Variants in GLMN observed in about 807,000 individuals in gnomAD.
The protein encoded by GLMN is glomulin, FKBP associated protein, also known as glomulin.
Under a neutral mutation model 87.8 loss-of-function variants are expected in GLMN, and 75 were observed. The observed-to-expected ratio is 0.85, with a 90% CI of 0.71 to 1.04. The LOEUF (loss-of-function observed/expected upper bound fraction) is 1.04, where lower values mean the gene tolerates loss of function less well. Among genes scored for constraint, GLMN ranks in the 50% least tolerant of loss-of-function variants. The pLI, the probability that GLMN is intolerant of heterozygous loss-of-function variation, is 0.00. For missense variants in GLMN, 588 were observed against 658.8 expected (o/e 0.89, Z 1.18); for synonymous variants, 206 against 221.6 (o/e 0.93, Z 0.63).
At chr1:92,302,590 ATTTTTTTTTTTTT>A (rs36067595), upstream of GLMN, among the ~76,000 whole-genome samples, 3 of 74,316 alleles carry the variant, frequency 4.0e-5, no homozygotes, top group African/African-American at 5.7e-5. Context: ...TCCGCATTAA[ATTTTTTTTTTTTT>A]TTTTTTTTTT....
the GLMN span, among the ~76,000 whole-genome samples, chr1:92,370,058 T>C: frequency 3.3e-5 from 5 of 152,144 alleles, no homozygotes; most frequent in African/African-American, 1.2e-4. Flanking sequence ...CTAATTTTTG[T>C]ATTTTTAGTA....
chr1:92,350,140 T>C, the GLMN span, among the ~76,000 whole-genome samples: 24 of 152,290 alleles, frequency 1.6e-4, no homozygotes, highest in African/African-American at 5.3e-4. Flanking sequence ...ACTATTGTGA[T>C]TGCAACATTT....
Position 92,247,980 on chromosome 1 carries a change from A to G in GLMN, c.1483T>C (p.Trp495Arg), listed in dbSNP as rs757404436. 4.3e-5 allele frequency: 52 copies of G among 1,213,572 alleles called. No individual in the cohort carries two copies. Among genetic ancestry groups the G allele is most frequent in the Non-Finnish European group, 6.1e-5 (50 of 816,516 alleles). 75.2% of individuals were successfully genotyped at this position (1,213,572 alleles called of 1,614,324 possible). Residue 495 changes from tryptophan to arginine, a missense_variant, in exon 17 of 19, where the codon TGG (tryptophan) becomes CGG (arginine). Coordinates refer to ENST00000370360, the MANE Select transcript of GLMN (RefSeq NM_053274.3). ...DNENDNQTGL[W>R]TELGNIENNF... ...TTCTCAATATTTCCAAGTTCTGTCCATAATCCAGTCTGTTAAGAATGAAAG... is the reference window on the plus strand; with the variant it reads ...TTCTCAATATTTCCAAGTTCTGTCCGTAATCCAGTCTGTTAAGAATGAAAG...
At chr1:92,257,281 A>G (rs1243026176) in intron 16 of GLMN, among the ~76,000 whole-genome samples, 2 of 152,222 alleles carry the variant, frequency 1.3e-5, no homozygotes, top group African/African-American at 4.8e-5. Context: ...TTCCATGCTC[A>G]TCGGTAGGAA....
At chr1:92,254,224 G>T (rs1231924748) in intron 16 of GLMN, among the ~76,000 whole-genome samples, 6 of 152,134 alleles carry the variant, frequency 3.9e-5, no homozygotes, top group Admixed American at 6.5e-5. Context: ...GAGAAAAAAA[G>T]AATGAAAAGG....
chr1:92,316,351 T>G, the GLMN span, among the ~76,000 whole-genome samples: 1 of 152,194 alleles, frequency 6.6e-6, no homozygotes, highest in African/African-American at 2.4e-5. Flanking sequence ...AAAAGCTTTC[T>G]GAAACAGGGT....
chr1:92,312,146 T>TA, the GLMN span, among the ~76,000 whole-genome samples: 2 of 152,158 alleles, frequency 1.3e-5, no homozygotes, highest in African/African-American at 4.8e-5. Flanking sequence ...AGCAGTGACT[T>TA]ATGCCTGTAA....
intron 7 of GLMN, among the ~76,000 whole-genome samples, chr1:92,281,120 C>A (rs1647992177): frequency 6.6e-6 from 1 of 152,104 alleles, no homozygotes; most frequent in African/African-American, 2.4e-5. Context: ...ACAGAGAACA[C>A]CACAAAGATA....
Position 92,298,910 on chromosome 1 carries a change from C to T in GLMN, c.-31+15G>A. 4.4e-6 allele frequency: 2 copies of T among 452,000 alleles called. No individual in the cohort carries two copies. The highest frequency in any genetic ancestry group is 7.8e-6 in the Non-Finnish European group (2 of 255,126). 28.0% of individuals were successfully genotyped at this position (452,000 alleles called of 1,614,324 possible). On this transcript the variant is annotated intron_variant, in intron 1 of 18. Transcript: ENST00000370360. The stretch of plus-strand genomic sequence containing the variant: ...GAGCCCTGGCCACCCTGAACCTCTC[C>T]ACAACTCCACTTACCGGCCAGAACC...
chr1:92,267,703 C>CA lies in GLMN; in HGVS notation c.1098+209dup, dbSNP rs10718329. 6.1e-3 allele frequency among the ~76,000 whole-genome samples: 868 copies of CA among 142,804 alleles called. 7 individuals carry two copies. Among genetic ancestry groups the CA allele is most frequent in the African/African-American group, 0.016 (617 of 38,766 alleles). 93.7% of individuals were successfully genotyped at this position (142,804 alleles called of 152,430 possible). A position where few individuals can be genotyped will look rare whatever the true frequency, so the allele number is the denominator to read the frequency against. On this transcript the variant is annotated intron_variant, in intron 11 of 18. Coordinates refer to ENST00000370360, the MANE Select transcript of GLMN (RefSeq NM_053274.3). The stretch of plus-strand genomic sequence containing the variant: ...TGGGCGACACAGCAAGACTACACCT[C>CA]AAAAAAAAAAAAAATAGTTCCTTAG...
At chr1:92,293,822 T>C (rs1230499339) in intron 3 of GLMN, among the ~76,000 whole-genome samples, 1 of 152,172 alleles carries the variant, frequency 6.6e-6, no homozygotes. Flanking sequence ...TGGATGGGAC[T>C]GTAGACCATT....
chr1:92,266,500 G>T lies in GLMN; in HGVS notation c.1141-8C>A. On this transcript the variant is annotated splice_region_variant and splice_polypyrimidine_tract_variant and intron_variant, in intron 12 of 18. Coordinates refer to ENST00000370360, the MANE Select transcript of GLMN (RefSeq NM_053274.3). ...AGCTAAACTCTTTTTCCTCTAAAAT[G>T]GAACAAACAATATTATTATATAAAA... The T allele has an allele frequency of 6.6e-7, 1 of 1,504,210 alleles. No homozygotes were observed. Among genetic ancestry groups the T allele is most frequent in the Non-Finnish European group, 9.2e-7 (1 of 1,082,764 alleles). The allele number at this position is 1,504,210 out of a possible 1,614,324, so 93.2% of individuals were successfully genotyped here.
the GLMN span, among the ~76,000 whole-genome samples, chr1:92,325,155 T>C: frequency 6.6e-6 from 1 of 152,182 alleles, no homozygotes; most frequent in Admixed American, 6.5e-5. Context: ...ACTACCCATC[T>C]TTGATTGATG....
At chr1:92,335,126 A>G in the GLMN span, among the ~76,000 whole-genome samples, 1 of 152,278 alleles carries the variant, frequency 6.6e-6, no homozygotes, top group African/African-American at 2.4e-5. Flanking sequence ...TGTTCTCCAT[A>G]GTGGGTGTAC....
intron 16 of GLMN, among the ~76,000 whole-genome samples, chr1:92,261,874 T>C (rs1479984159): frequency 1.8e-5 from 2 of 111,632 alleles, no homozygotes; most frequent in Admixed American, 9.4e-5. Flanking sequence ...GTTAGTACAG[T>C]AGAATCATAG....
At chr1:92,344,982 CTAAGA>C in the GLMN span, among the ~76,000 whole-genome samples, 17 of 152,158 alleles carry the variant, frequency 1.1e-4, no homozygotes, top group South Asian at 1.0e-3. Flanking sequence ...TTCTGAGAAT[CTAAGA>C]TGACTACAGA....
chr1:92,257,769 C>T (rs1441441140), intron 16 of GLMN, among the ~76,000 whole-genome samples: 3 of 151,648 alleles, frequency 2.0e-5, no homozygotes, highest in Non-Finnish European at 4.4e-5. Context: ...AAGACTTAAA[C>T]ATAAAATCTA....
the GLMN span, chr1:92,307,333 G>A: frequency 9.0e-6 from 11 of 1,223,236 alleles, no homozygotes; most frequent in Non-Finnish European, 6.9e-6. Context: ...ATTTGTTTCT[G>A]CTTTTTGAGA....
rs766269623 is a variant in GLMN, at chr1:92,246,612, A to G, written c.1703T>C (p.Ile568Thr). 20 of 1,594,848 alleles carry G rather than the reference A, an allele frequency of 1.3e-5. No homozygotes were observed. Among genetic ancestry groups the G allele is most frequent in the Non-Finnish European group, 1.7e-5 (20 of 1,162,630 alleles). ...LHSALFTFDL[I>T]ESVLARVEEL... The stretch of plus-strand genomic sequence containing the variant: ...TTCCACTCGAGCTAGAACACTTTCA[A>G]TCAAATCAAATGTGAAAAGAGCTGA... The change falls in exon 19 of 19, where the codon ATT becomes ACT. Residue 568 changes from isoleucine (I) to threonine (T), a missense_variant. Ile to Thr is a moderately conservative substitution (Grantham distance 89, BLOSUM62 -1). Coordinates refer to ENST00000370360, the MANE Select transcript of GLMN (RefSeq NM_053274.3).
Sources: allele counts gnomAD v4.1 joint callset (sites outside exome capture counted in the v4.1 genomes callset), GRCh38; gene constraint gnomAD v4.1.1; transcripts MANE v1.5; gene names NCBI Gene and HGNC (gene_info 2026-07-23, HGNC 2026-07-21).